Variants in DSG3 observed in about 807,000 individuals in gnomAD.
DSG3 encodes the protein desmoglein-3.
DSG3 carries 63 observed loss-of-function variants against 85.9 expected under a neutral mutation model. The observed-to-expected ratio is 0.73, with a 90% CI of 0.60 to 0.90. DSG3 has a LOEUF of 0.90. Ranked by LOEUF, DSG3 falls within the 40% of genes least tolerant of loss-of-function variation. The probability of loss-of-function intolerance (pLI) is 0.00; values close to 1 mark genes in which losing one functional copy is unlikely to be tolerated. For missense variants in DSG3, 1,220 were observed against 1,219.9 expected (o/e 1.00, Z 0.00); for synonymous variants, 447 against 441.9 (o/e 1.01, Z -0.14).
chr18:31,477,856 T>C lies in DSG3; in HGVS notation c.*1596T>C, dbSNP rs1422853246. On this transcript the variant is annotated 3_prime_UTR_variant, in exon 16 of 16. Coordinates refer to ENST00000257189, the MANE Select transcript of DSG3 (RefSeq NM_001944.3). Reference sequence around the variant, plus strand: ...AGCCTCCATTATTCCTTACTGTATATAAAATACAGAGTTTTATATTTTCCT... The same window carrying C: ...AGCCTCCATTATTCCTTACTGTATACAAAATACAGAGTTTTATATTTTCCT... 6.6e-6 allele frequency: 1 copy of C among 152,250 alleles called. No individual in the cohort carries two copies. The highest frequency in any genetic ancestry group is 1.5e-5 in the Non-Finnish European group (1 of 68,046). The allele number at this position is 152,250 out of a possible 1,614,324, so 9.4% of individuals were successfully genotyped here. A position where few individuals can be genotyped will look rare whatever the true frequency, so the allele number is the denominator to read the frequency against.
intron 3 of DSG3, among the ~76,000 whole-genome samples, chr18:31,457,541 TTCTTTC>T (rs1340009269): frequency 8.0e-6 from 1 of 125,452 alleles, no homozygotes; most frequent in Non-Finnish European, 1.6e-5. Flanking sequence ...CTTTCTTTCT[TTCTTTC>T]TCTTTCTTTC....
At chr18:31,460,704 T>A in intron 6 of DSG3, 129 bp from the exon 7 acceptor site, 1 of 831,004 alleles carries the variant, frequency 1.2e-6, no homozygotes, top group Non-Finnish European at 1.8e-6. Context: ...CACCCAACCA[T>A]CCAGAGTCCC....
At position 31,476,519 on chromosome 18, in the gene DSG3, A is replaced by C; in HGVS notation, c.*259A>C. 2.8e-6 allele frequency: 1 copy of C among 355,608 alleles called. No individual in the cohort carries two copies. Among genetic ancestry groups the C allele is most frequent in the Non-Finnish European group, 5.0e-6 (1 of 200,204 alleles). 22.0% of individuals were successfully genotyped at this position (355,608 alleles called of 1,614,324 possible). A position where few individuals can be genotyped will look rare whatever the true frequency, so the allele number is the denominator to read the frequency against. On this transcript the variant is annotated 3_prime_UTR_variant, in exon 16 of 16. Coordinates refer to ENST00000257189, the MANE Select transcript of DSG3 (RefSeq NM_001944.3). ...AACCCTAAAATCATATTCGCCAGGA[A>C]ATTTTCCTAAACATTCTTAAGCTTC...
chr18:31,464,976 A>C (rs938948170), intron 9 of DSG3, among the ~76,000 whole-genome samples: 1 of 144,248 alleles, frequency 6.9e-6, no homozygotes, highest in African/African-American at 2.4e-5. Flanking sequence ...ATCTCTACTA[A>C]AAATACAAAA....
intron 1 of DSG3, among the ~76,000 whole-genome samples, chr18:31,450,836 A>AT (rs1344247337): frequency 2.0e-5 from 3 of 152,138 alleles, no homozygotes; most frequent in Admixed American, 2.0e-4. Context: ...AAACCCTTTA[A>AT]TTTTTATCAC....
chr18:31,474,094 T>C (rs754144220), intron 14 of DSG3, 27 bp from the exon 15 acceptor site: 1 of 1,597,262 alleles, frequency 6.3e-7, no homozygotes, highest in Non-Finnish European at 8.6e-7. Context: ...GCATAAGATA[T>C]TACAGAATGT....
rs762858133 is a variant in DSG3 at position 31,475,748 on chromosome 18, T to A, written c.2488T>A (p.Ser830Thr). ...AGATGCCACTGGTTCTCCTGTGGGCTCCGTGGGTTGTTGCAGTTTTATTGC... is the reference window on the plus strand; with the variant it reads ...AGATGCCACTGGTTCTCCTGTGGGCACCGTGGGTTGTTGCAGTTTTATTGC... The part of the protein sequence containing the change: ...GADATGSPVG[S>T]VGCCSFIADD... The change falls in exon 16 of 16, where the codon TCC (serine) becomes ACC (threonine). Residue 830 changes from serine (S) to threonine (T), a missense_variant. Coordinates refer to ENST00000257189, the MANE Select transcript of DSG3 (RefSeq NM_001944.3). 2.5e-6 allele frequency: 4 copies of A among 1,614,220 alleles called. No homozygotes were observed. The highest frequency in any genetic ancestry group is 2.5e-6 in the Non-Finnish European group (3 of 1,180,034).
At position 31,476,182 on chromosome 18, in the gene DSG3, C is replaced by A. The variant is rs1403478471; in HGVS notation, c.2922C>A (p.Gly974=). ...RVICPISSVP[G]NLAGPTQLRG... ...TCTGTCCCATTTCCAGTGTTCCTGG[C>A]AACCTAGCTGGCCCAACGCAGCTAC... Residue 974 remains glycine, a synonymous_variant, in exon 16 of 16, where the codon GGC becomes GGA. Transcript: ENST00000257189. 6.2e-7 allele frequency: 1 copy of A among 1,614,188 alleles called. No homozygotes were observed. The highest frequency in any genetic ancestry group is 1.1e-5 in the South Asian group (1 of 91,080).
At chr18:31,459,797 A>T in intron 5 of DSG3, 48 bp from the exon 6 acceptor site, 1 of 1,502,064 alleles carries the variant, frequency 6.7e-7, no homozygotes, top group Non-Finnish European at 9.1e-7. Context: ...AGTAAACATA[A>T]TGTTAATTGT....
In DSG3 at chr18:31,472,865, T is replaced by C. The variant is rs887174462; in HGVS notation, c.2101+77T>C. The C allele has an allele frequency of 2.9e-5, 38 of 1,331,880 alleles. 1 individual carries two copies. In the African/African-American group the frequency reaches 4.8e-4, roughly 17 times the overall value. The allele number at this position is 1,331,880 out of a possible 1,614,324, so 82.5% of individuals were successfully genotyped here. A position where few individuals can be genotyped will look rare whatever the true frequency, so the allele number is the denominator to read the frequency against. ...TAAAAAATAAGAAGTGTTCAAACTATCTTCTTAATAATTTGCATCTGTGTG... is the reference window on the plus strand; with the variant it reads ...TAAAAAATAAGAAGTGTTCAAACTACCTTCTTAATAATTTGCATCTGTGTG... On this transcript the variant is annotated intron_variant, in intron 14 of 15. Transcript: ENST00000257189.
intron 1 of DSG3, among the ~76,000 whole-genome samples, chr18:31,450,964 G>A (rs1450470753): frequency 6.6e-6 from 1 of 152,036 alleles, no homozygotes; most frequent in Admixed American, 6.6e-5. Context: ...CATTTGTCTT[G>A]AGCTAAAAAG....
chr18:31,475,730 A>G lies in DSG3; in HGVS notation c.2470A>G (p.Thr824Ala), dbSNP rs141490338. 5.5e-4 allele frequency: 883 copies of G among 1,614,076 alleles called. No individual in the cohort carries two copies. The highest frequency in any genetic ancestry group is 6.4e-4 in the Non-Finnish European group (754 of 1,180,038). Reference sequence around the variant, plus strand: ...CTATGATAATGAAGGCGCAGATGCCACTGGTTCTCCTGTGGGCTCCGTGGG... The same window carrying G: ...CTATGATAATGAAGGCGCAGATGCCGCTGGTTCTCCTGTGGGCTCCGTGGG... The part of the protein sequence containing the change: ...LIYDNEGADA[T>A]GSPVGSVGCC... Residue 824 changes from threonine to alanine, a missense_variant, in exon 16 of 16, where the codon ACT (threonine) becomes GCT (alanine). Thr to Ala is a moderately conservative substitution (Grantham distance 58). Coordinates refer to ENST00000257189, the MANE Select transcript of DSG3 (RefSeq NM_001944.3).
chr18:31,471,689 C>T lies in DSG3; in HGVS notation c.1898-595C>T, dbSNP rs145074234. Among the ~76,000 whole-genome samples the T allele has an allele frequency of 3.5e-3, 531 of 152,288 alleles. 3 individuals carry two copies. Among genetic ancestry groups the T allele is most frequent in the African/African-American group, 0.012 (481 of 41,562 alleles). ...AAGGATGTGCACAGAAAGATATTTA[C>T]GCTGCCAGAAGAGTCCTCCAAGCTT... On this transcript the variant is annotated intron_variant, in intron 12 of 15. Coordinates refer to ENST00000257189, the MANE Select transcript of DSG3 (RefSeq NM_001944.3).
intron 8 of DSG3, 113 bp from the exon 9 acceptor site, chr18:31,463,998 T>C: frequency 3.8e-6 from 4 of 1,043,500 alleles, no homozygotes; most frequent in Non-Finnish European, 5.5e-6. Flanking sequence ...GTTTTGCTAT[T>C]TAAAAACAAG....
chr18:31,450,448 G>T (rs1035225165), intron 1 of DSG3, among the ~76,000 whole-genome samples: 1 of 152,188 alleles, frequency 6.6e-6, no homozygotes, highest in Non-Finnish European at 1.5e-5. Flanking sequence ...TTTTACAAGT[G>T]GGGAGCCACC....
intron 3 of DSG3, among the ~76,000 whole-genome samples, chr18:31,457,585 C>CTTCT (rs11369657): frequency 0.021 from 1,308 of 61,024 alleles, 16 homozygotes; most frequent in Middle Eastern, 0.033. Flanking sequence ...TTCTTTCTTT[C>CTTCT]TTCTTTCTTT....
chr18:31,458,707 T>G, intron 4 of DSG3, 107 bp downstream of exon 4: 1 of 1,260,942 alleles, frequency 7.9e-7, no homozygotes, highest in African/African-American at 1.5e-5. Context: ...AGTACATGCA[T>G]CAGTCCACCA....
chr18:31,449,220 G>A (rs950935280), intron 1 of DSG3, among the ~76,000 whole-genome samples: 1 of 152,046 alleles, frequency 6.6e-6, no homozygotes, highest in East Asian at 1.9e-4. Flanking sequence ...TTTCTATTAC[G>A]ACAATGTAAC....
chr18:31,455,238 G>A (rs1420950152), intron 1 of DSG3, among the ~76,000 whole-genome samples: 5 of 151,854 alleles, frequency 3.3e-5, no homozygotes, highest in Admixed American at 6.6e-5. Flanking sequence ...AGCTCTAGGA[G>A]TAGCAGCTGA....
Sources: gnomAD v4.1 joint callset for allele counts (sites outside exome capture counted in the v4.1 genomes callset) on GRCh38, gnomAD v4.1.1 for gene constraint, MANE v1.5 for transcripts, NCBI Gene and HGNC (gene_info 2026-07-23, HGNC 2026-07-21) for gene names.